AGBL1: variants seen among roughly 807,000 people sequenced by gnomAD.
The protein encoded by AGBL1 is AGBL carboxypeptidase 1.
Under a neutral mutation model 118.9 loss-of-function variants are expected in AGBL1, and 130 were observed. That is an observed-to-expected ratio of 1.09 (90% CI 0.95 to 1.26). The LOEUF (loss-of-function observed/expected upper bound fraction) is 1.26, where lower values mean the gene tolerates loss of function less well. Among genes scored for constraint, AGBL1 ranks in the 50% most tolerant of loss-of-function variants. AGBL1 has a pLI of 0.00. For missense variants in AGBL1, 1,584 were observed against 1,298.1 expected (o/e 1.22, Z -3.38); for synonymous variants, 555 against 478.9 (o/e 1.16, Z -2.08).
At chr15:86,658,036 T>C (rs964538221) in intron 21 of AGBL1, among the ~76,000 whole-genome samples, 1 of 152,032 alleles carries the variant, frequency 6.6e-6, no homozygotes. Flanking sequence ...AATTTATATG[T>C]GTATATACTA....
At chr15:86,245,928 G>C (rs1344270364) in intron 6 of AGBL1, among the ~76,000 whole-genome samples, 1 of 151,874 alleles carries the variant, frequency 6.6e-6, no homozygotes, top group Non-Finnish European at 1.5e-5. Flanking sequence ...TTTTGAGCTA[G>C]GGTCTCACTC....
chr15:87,001,727 C>A (rs1331218166), intron 24 of AGBL1, among the ~76,000 whole-genome samples: 1 of 151,994 alleles, frequency 6.6e-6, no homozygotes, highest in Non-Finnish European at 1.5e-5. Flanking sequence ...TCTCTGATGG[C>A]CAGTGATGAT....
rs148361982 is a variant in AGBL1, at chr15:86,422,649, C to T, written c.2555+25103C>T. Among the ~76,000 whole-genome samples the T allele has an allele frequency of 2.8e-3, 423 of 152,018 alleles. 2 individuals are homozygous for T. Among genetic ancestry groups the T allele is most frequent in the Middle Eastern group, 6.8e-3 (2 of 294 alleles). On this transcript the variant is annotated intron_variant, in intron 18 of 22. Transcript: ENST00000614907. Reference sequence around the variant, plus strand: ...AACCCTTCAAAAAAATCAATGAATCCAGGAGCTGATTTTTTTTGAAAAGAT... The same window carrying T: ...AACCCTTCAAAAAAATCAATGAATCTAGGAGCTGATTTTTTTTGAAAAGAT...
chr15:86,638,846 T>G (rs1273414619), intron 21 of AGBL1, among the ~76,000 whole-genome samples: 1 of 152,196 alleles, frequency 6.6e-6, no homozygotes, highest in Non-Finnish European at 1.5e-5. Flanking sequence ...GTGGCTCAGT[T>G]GGGCCTCTGC....
At chr15:86,610,172 A>G (rs2084637733) in intron 21 of AGBL1, among the ~76,000 whole-genome samples, 1 of 152,186 alleles carries the variant, frequency 6.6e-6, no homozygotes, top group African/African-American at 2.4e-5. Context: ...CATTCAATGG[A>G]AGATAGTCAT....
At chr15:86,649,492 A>T (rs576679729) in intron 21 of AGBL1, among the ~76,000 whole-genome samples, 1 of 152,170 alleles carries the variant, frequency 6.6e-6, no homozygotes, top group Admixed American at 6.5e-5. Context: ...AGTGAGCCCA[A>T]TCAGCAGAGT....
At chr15:86,224,794 T>A in intron 5 of AGBL1, 120 bp from the exon 6 acceptor site, 2 of 900,022 alleles carry the variant, frequency 2.2e-6, no homozygotes, top group Non-Finnish European at 3.6e-6. Context: ...ATAGATTGCC[T>A]GCTACCTGGT....
At position 86,560,155 on chromosome 15, in the gene AGBL1, A is replaced by G. The variant is rs181131119; in HGVS notation, c.2994+5618A>G. Among the ~76,000 whole-genome samples the G allele has an allele frequency of 3.3e-5, 5 of 149,292 alleles. 1 individual carries two copies. The highest frequency in any genetic ancestry group is 3.9e-4 in the East Asian group (2 of 5,080). On this transcript the variant is annotated intron_variant, in intron 21 of 22. Coordinates refer to ENST00000614907, the MANE Select transcript of AGBL1 (RefSeq NM_001386094.1). ...TTTTTTTTCTTGTACTTTTTTTTTTATATACTTTAAGTTCTAGGGTACATG... is the reference window on the plus strand; with the variant it reads ...TTTTTTTTCTTGTACTTTTTTTTTTGTATACTTTAAGTTCTAGGGTACATG...
intron 6 of AGBL1, among the ~76,000 whole-genome samples, chr15:86,236,845 C>T (rs1047228566): frequency 2.0e-5 from 3 of 148,964 alleles, no homozygotes; most frequent in African/African-American, 5.0e-5. Context: ...TCACATAGCC[C>T]GGGGAAAAAA....
chr15:86,564,226 C>G (rs565350278), intron 21 of AGBL1, among the ~76,000 whole-genome samples: 1 of 152,120 alleles, frequency 6.6e-6, no homozygotes, highest in African/African-American at 2.4e-5. Flanking sequence ...TTCCTAGCAT[C>G]GATGGTCTTT....
chr15:86,528,250 C>T (rs527264798), intron 19 of AGBL1, among the ~76,000 whole-genome samples: 3 of 152,250 alleles, frequency 2.0e-5, no homozygotes, highest in Admixed American at 6.5e-5. Flanking sequence ...AGTGGGTGCA[C>T]GCACCGGGCG....
At chr15:86,842,461 C>A (rs1199422245) in intron 22 of AGBL1, among the ~76,000 whole-genome samples, 1 of 152,180 alleles carries the variant, frequency 6.6e-6, no homozygotes, top group African/African-American at 2.4e-5. Flanking sequence ...GGCTGGTCTT[C>A]CATTTCTATT....
rs71144074 is a variant in AGBL1 at position 86,827,938 on chromosome 15, CT to C, written c.3159-79129del. Among the ~76,000 whole-genome samples, 35 of 16,760 alleles carry C rather than the reference CT, an allele frequency of 2.1e-3. 1 individual carries two copies. Among genetic ancestry groups the C allele is most frequent in the South Asian group, 5.4e-3 (2 of 372 alleles). The allele number at this position is 16,760 out of a possible 152,430, so 11.0% of individuals were successfully genotyped here. The stretch of plus-strand genomic sequence containing the variant: ...ATAGTCTCTGGCACTTGATGTAGGG[CT>C]TTTTTTTTTTTTTTTTTTTGAGACA... On this transcript the variant is annotated intron_variant, in intron 22 of 22. Coordinates refer to ENST00000614907, the MANE Select transcript of AGBL1 (RefSeq NM_001386094.1).
intron 5 of AGBL1, among the ~76,000 whole-genome samples, chr15:86,195,375 C>T (rs774705884): frequency 6.6e-6 from 1 of 152,092 alleles, no homozygotes; most frequent in African/African-American, 2.4e-5. Context: ...TTGGCTGTAA[C>T]TGTTCTGAAG....
chr15:86,730,959 C>T (rs537411013), intron 22 of AGBL1, among the ~76,000 whole-genome samples: 1 of 152,058 alleles, frequency 6.6e-6, no homozygotes, highest in Admixed American at 6.5e-5. Flanking sequence ...TCCCGAGTAG[C>T]TGGGATTACA....
chr15:86,331,691 C>G (rs992304615), intron 17 of AGBL1, among the ~76,000 whole-genome samples: 4 of 152,152 alleles, frequency 2.6e-5, no homozygotes, highest in African/African-American at 9.7e-5. Flanking sequence ...TTATATCTGG[C>G]CAAACTAAAC....
chr15:86,324,544 AT>A (rs1214562355), intron 17 of AGBL1, among the ~76,000 whole-genome samples: 1 of 152,196 alleles, frequency 6.6e-6, no homozygotes, highest in Non-Finnish European at 1.5e-5. Context: ...CATTCAACCA[AT>A]TTGTATTGGC....
chr15:86,687,022 T>C (rs1236791775), intron 22 of AGBL1, among the ~76,000 whole-genome samples: 1 of 152,142 alleles, frequency 6.6e-6, no homozygotes, highest in African/African-American at 2.4e-5. Context: ...ATCATTCATC[T>C]CTGGTTTCTA....
At chr15:86,623,887 A>T (rs2142416826) in intron 21 of AGBL1, among the ~76,000 whole-genome samples, 1 of 152,356 alleles carries the variant, frequency 6.6e-6, no homozygotes, top group Middle Eastern at 3.4e-3. Context: ...TTTGCTGCAC[A>T]GTTCACCTAG....
Sources: allele counts gnomAD v4.1 joint callset (sites outside exome capture counted in the v4.1 genomes callset), GRCh38; gene constraint gnomAD v4.1.1; transcripts MANE v1.5; gene names NCBI Gene and HGNC (gene_info 2026-07-23, HGNC 2026-07-21).